Variants in TUSC3 observed in about 807,000 individuals in gnomAD.
The protein encoded by TUSC3 is tumor suppressor candidate 3.
In TUSC3, 45 loss-of-function variants were observed where a neutral mutation model predicts 44.8. The ratio of observed to expected loss-of-function variants is 1.00; its 90% confidence interval spans 0.79 to 1.29. TUSC3 has a LOEUF of 1.29. Ranked by LOEUF, TUSC3 falls within the 50% of genes most tolerant of loss-of-function variation. The pLI, the probability that TUSC3 is intolerant of heterozygous loss-of-function variation, is 0.00. For synonymous variants in TUSC3, 212 were observed against 152.9 expected (o/e 1.39, Z -2.85); for missense variants, 519 against 437.9 (o/e 1.19, Z -1.65).
At chr8:15,561,903 C>T (rs1014998853) in intron 1 of TUSC3, among the ~76,000 whole-genome samples, 2 of 152,194 alleles carry the variant, frequency 1.3e-5, no homozygotes, top group African/African-American at 4.8e-5. Context: ...CACCCACTGT[C>T]TGGCACTCCC....
chr8:15,520,135 C>G (rs1801276025), intron 2 of TUSC3, among the ~76,000 whole-genome samples: 1 of 152,182 alleles, frequency 6.6e-6, no homozygotes, highest in Non-Finnish European at 1.5e-5. Flanking sequence ...TGTAGTCACA[C>G]AATCTCTTTG....
chr8:15,634,349 C>G (rs563176283), intron 2 of TUSC3, among the ~76,000 whole-genome samples: 6 of 152,160 alleles, frequency 3.9e-5, no homozygotes, highest in Non-Finnish European at 8.8e-5. Flanking sequence ...TCTAGACAGA[C>G]CCGCAGGGAG....
intron 6 of TUSC3, among the ~76,000 whole-genome samples, chr8:15,681,128 ATT>A (rs34790529): frequency 3.0e-4 from 40 of 133,616 alleles, no homozygotes; most frequent in Non-Finnish European, 3.5e-4. Context: ...TTCATCCTTG[ATT>A]TTTTTTTTTT....
the TUSC3 span, among the ~76,000 whole-genome samples, chr8:15,808,199 A>G: frequency 1.3e-5 from 2 of 152,170 alleles, no homozygotes; most frequent in Non-Finnish European, 2.9e-5. Flanking sequence ...TCTTTAAGCA[A>G]ACTTCTTTCA....
chr8:15,556,868 A>G (rs1195962064), intron 1 of TUSC3, among the ~76,000 whole-genome samples: 2 of 139,264 alleles, frequency 1.4e-5, no homozygotes, highest in African/African-American at 2.6e-5. Context: ...TTTTTCTTGT[A>G]AATTTGTTTG....
intron 1 of TUSC3, among the ~76,000 whole-genome samples, chr8:15,615,581 ATATAC>A (rs1422454863): frequency 6.6e-6 from 1 of 152,180 alleles, no homozygotes; most frequent in African/African-American, 2.4e-5. Flanking sequence ...GTTTACACTA[ATATAC>A]TATATATTTT....
intron 9 of TUSC3, among the ~76,000 whole-genome samples, chr8:15,749,010 C>G (rs919140336): frequency 2.6e-5 from 4 of 152,126 alleles, no homozygotes; most frequent in Admixed American, 2.6e-4. Context: ...TATTACCAAA[C>G]TATAGTTTCA....
rs553210433 is a variant in TUSC3, at chr8:15,509,053, A to G, written n.189+25570A>G. On this transcript the variant is annotated intron_variant and non_coding_transcript_variant, in intron 2 of 5. Transcript: ENST00000503191. The stretch of plus-strand genomic sequence containing the variant: ...GAGAGGGAAGTGTTGAAGGGTGTGA[A>G]TGAACTGCTTTGAGGAATGAGAGAA... Among the ~76,000 whole-genome samples, 22 of 152,294 alleles carry G rather than the reference A, an allele frequency of 1.4e-4. No individual in the cohort carries two copies. In the South Asian group the frequency reaches 4.4e-3, roughly 30 times the overall value.
At chr8:15,613,092 A>G (rs562740299) in intron 1 of TUSC3, among the ~76,000 whole-genome samples, 2 of 148,496 alleles carry the variant, frequency 1.3e-5, no homozygotes, top group Admixed American at 1.4e-4. Context: ...ATATATATGT[A>G]TTTTATATGT....
intron 1 of TUSC3, among the ~76,000 whole-genome samples, chr8:15,606,734 G>T (rs552899015): frequency 6.6e-6 from 1 of 151,928 alleles, no homozygotes; most frequent in Non-Finnish European, 1.5e-5. Flanking sequence ...TGTGTACTTT[G>T]TCTGATTATT....
chr8:15,454,014 G>T (rs1251025655), intron 1 of TUSC3, among the ~76,000 whole-genome samples: 1 of 152,118 alleles, frequency 6.6e-6, no homozygotes, highest in Non-Finnish European at 1.5e-5. Flanking sequence ...AGGGACATTT[G>T]ATTGGTAAGG....
chr8:15,417,726 G>C (rs2129114423), intron 1 of TUSC3, among the ~76,000 whole-genome samples: 1 of 152,312 alleles, frequency 6.6e-6, no homozygotes, highest in African/African-American at 2.4e-5. Flanking sequence ...CAAAGAGATA[G>C]TATGCACAGC....
intron 2 of TUSC3, among the ~76,000 whole-genome samples, chr8:15,641,195 A>G (rs1446347460): frequency 6.6e-6 from 1 of 151,306 alleles, no homozygotes; most frequent in Admixed American, 6.6e-5. Context: ...CCCTGTCTCT[A>G]CCAGAAATAG....
At chr8:15,456,780 A>G (rs959158726) in intron 1 of TUSC3, among the ~76,000 whole-genome samples, 2 of 152,144 alleles carry the variant, frequency 1.3e-5, no homozygotes, top group Non-Finnish European at 2.9e-5. Flanking sequence ...ACAGAGAAGG[A>G]GAAGAGGAGG....
At chr8:15,440,403 G>T (rs1460975241) in intron 1 of TUSC3, among the ~76,000 whole-genome samples, 1 of 152,192 alleles carries the variant, frequency 6.6e-6, no homozygotes, top group Non-Finnish European at 1.5e-5. Flanking sequence ...GAGGATCTAT[G>T]CAGAATTTTG....
At chr8:15,647,629 T>TA (rs1806691962) in intron 2 of TUSC3, among the ~76,000 whole-genome samples, 1 of 152,158 alleles carries the variant, frequency 6.6e-6, no homozygotes, top group Admixed American at 6.5e-5. Flanking sequence ...TTTCCTCTCT[T>TA]ACAGTGCTCT....
At chr8:15,799,149 T>C in the TUSC3 span, among the ~76,000 whole-genome samples, 1 of 152,048 alleles carries the variant, frequency 6.6e-6, no homozygotes, top group African/African-American at 2.4e-5. Context: ...CCACTCTAAG[T>C]CCGTGTAGGG....
At chr8:15,821,233 T>G in the TUSC3 span, among the ~76,000 whole-genome samples, 19 of 152,304 alleles carry the variant, frequency 1.2e-4, no homozygotes, top group African/African-American at 4.1e-4. Flanking sequence ...CCTTCATGAT[T>G]GCAGATGAGA....
At chr8:15,794,031 C>T in the TUSC3 span, among the ~76,000 whole-genome samples, 2 of 152,182 alleles carry the variant, frequency 1.3e-5, no homozygotes, top group African/African-American at 4.8e-5. Context: ...CTTTCCTTGC[C>T]CCAAGTGTTG....
Sources: allele counts gnomAD v4.1 joint callset (sites outside exome capture counted in the v4.1 genomes callset), GRCh38; gene constraint gnomAD v4.1.1; transcripts MANE v1.5; gene names NCBI Gene and HGNC (gene_info 2026-07-23, HGNC 2026-07-21).